The following SBF2 variants were observed in gnomAD, a reference collection of about 807,000 sequenced individuals.
The protein encoded by SBF2 is myotubularin-related protein 13.
A neutral mutation model predicts 225.2 loss-of-function variants in SBF2; 112 were observed. That is an observed-to-expected ratio of 0.50 (90% CI 0.43 to 0.58). The LOEUF (loss-of-function observed/expected upper bound fraction) is 0.58. Ranked by LOEUF, SBF2 falls within the 20% of genes least tolerant of loss-of-function variation. The pLI is 0.00. For synonymous variants in SBF2, 763 were observed against 773.3 expected (o/e 0.99, Z 0.22); for missense variants, 1,996 against 2,206.2 (o/e 0.90, Z 1.91).
chr11:10,231,875 C>T (rs143896918), intron 1 of SBF2, among the ~76,000 whole-genome samples: 16,065 of 152,254 alleles, frequency 0.11, 1,012 homozygotes, highest in Non-Finnish European at 0.11. Context: ...GTTACTGCTG[C>T]CTTTTGTTTG....
At chr11:10,137,674 C>CT (rs1444396334) in intron 2 of SBF2, among the ~76,000 whole-genome samples, 1 of 151,748 alleles carries the variant, frequency 6.6e-6, no homozygotes, top group African/African-American at 2.4e-5. Context: ...CCTTTTTTGT[C>CT]TTTGTCTGCT....
chr11:10,128,287 G>C (rs557820844), intron 2 of SBF2, among the ~76,000 whole-genome samples: 45 of 152,262 alleles, frequency 3.0e-4, no homozygotes, highest in African/African-American at 1.0e-3. Flanking sequence ...CTACCATATA[G>C]AGAGCACCTA....
chr11:10,115,803 A>C (rs138716198), intron 2 of SBF2, among the ~76,000 whole-genome samples: 20 of 152,316 alleles, frequency 1.3e-4, no homozygotes, highest in Non-Finnish European at 1.8e-4. Context: ...ATGTCAAAGG[A>C]AACTTTCTGA....
rs1590238940 is a variant in SBF2 at position 9,858,144 on chromosome 11, T to C, written c.2100+82A>G. On this transcript the variant is annotated intron_variant, in intron 18 of 39. Coordinates refer to ENST00000256190, the MANE Select transcript of SBF2 (RefSeq NM_030962.4). Reference sequence around the variant, plus strand: ...TACACTGGCAGGAAGTAGCTAGAGTTTTTTTTGCCCTGGGAACATCTGCTT... The same window carrying C: ...TACACTGGCAGGAAGTAGCTAGAGTCTTTTTTGCCCTGGGAACATCTGCTT... 22 of 1,532,470 alleles carry C rather than the reference T, an allele frequency of 1.4e-5. No homozygotes were observed. The East Asian group carries it at 4.9e-4, about 34-fold the overall frequency. The allele number at this position is 1,532,470 out of a possible 1,614,324, so 94.9% of individuals were successfully genotyped here. A position where few individuals can be genotyped will look rare whatever the true frequency, so the allele number is the denominator to read the frequency against.
chr11:10,236,354 C>A (rs1959073548), intron 1 of SBF2, among the ~76,000 whole-genome samples: 1 of 152,174 alleles, frequency 6.6e-6, no homozygotes, highest in Non-Finnish European at 1.5e-5. Context: ...CCCAGCTACT[C>A]AAGAGATTGA....
chr11:10,164,501 T>A (rs999603510), intron 2 of SBF2, among the ~76,000 whole-genome samples: 1 of 152,164 alleles, frequency 6.6e-6, no homozygotes, highest in Non-Finnish European at 1.5e-5. Context: ...ATAGAATCGA[T>A]AGTCAAAGAC....
intron 1 of SBF2, among the ~76,000 whole-genome samples, chr11:10,248,283 T>A (rs1256674520): frequency 6.6e-6 from 1 of 152,236 alleles, no homozygotes; most frequent in Non-Finnish European, 1.5e-5. Context: ...TCAAAAAGTC[T>A]AAGCATGTTG....
intron 17 of SBF2, among the ~76,000 whole-genome samples, chr11:9,890,539 A>C (rs914367421): frequency 1.3e-5 from 2 of 152,192 alleles, no homozygotes; most frequent in Non-Finnish European, 2.9e-5. Flanking sequence ...TGCCAACTAC[A>C]TGTGGAGGAT....
chr11:10,260,455 G>A (rs895233538), intron 1 of SBF2, among the ~76,000 whole-genome samples: 5 of 151,870 alleles, frequency 3.3e-5, no homozygotes, highest in South Asian at 2.1e-4. Context: ...GGTGGCTCAC[G>A]CCTGTAATCC....
chr11:10,010,570 G>A (rs916631655), intron 6 of SBF2, among the ~76,000 whole-genome samples: 1 of 152,046 alleles, frequency 6.6e-6, no homozygotes, highest in African/African-American at 2.4e-5. Flanking sequence ...TTATTTCTGA[G>A]GCCTCTGTTC....
chr11:10,237,333 C>T (rs564899728), intron 1 of SBF2, among the ~76,000 whole-genome samples: 7 of 151,926 alleles, frequency 4.6e-5, no homozygotes, highest in South Asian at 4.2e-4. Context: ...AGCAACACAG[C>T]GAGACTCTGT....
At chr11:9,830,758 AC>A (rs1455827679) in intron 27 of SBF2, among the ~76,000 whole-genome samples, 12 of 150,706 alleles carry the variant, frequency 8.0e-5, no homozygotes, top group South Asian at 6.3e-4. Flanking sequence ...AAAAAAAAAA[AC>A]AAAAACAAAA....
intron 1 of SBF2, among the ~76,000 whole-genome samples, chr11:10,253,387 G>A (rs1434038551): frequency 2.0e-5 from 3 of 152,110 alleles, no homozygotes; most frequent in Non-Finnish European, 4.4e-5. Context: ...AGAGATAGAC[G>A]TAAGAACTAT....
intron 2 of SBF2, among the ~76,000 whole-genome samples, chr11:10,072,312 T>C (rs1489297695): frequency 1.3e-5 from 2 of 152,164 alleles, no homozygotes; most frequent in African/African-American, 4.8e-5. Flanking sequence ...TATCAAGGAT[T>C]TGTATATTTT....
intron 1 of SBF2, among the ~76,000 whole-genome samples, chr11:10,273,162 G>C: frequency 6.6e-6 from 1 of 152,248 alleles, no homozygotes. Context: ...ACCGTTTTTA[G>C]TTTTTGAATT....
intron 16 of SBF2, among the ~76,000 whole-genome samples, chr11:9,896,788 CA>C (rs34465991): frequency 0.37 from 35,138 of 94,958 alleles, 4,447 homozygotes; most frequent in Admixed American, 0.43. Context: ...GACTCCGTCT[CA>C]AAAAAAAAAA....
chr11:10,227,204 G>A (rs1357942994), intron 1 of SBF2, among the ~76,000 whole-genome samples: 2 of 152,074 alleles, frequency 1.3e-5, no homozygotes, highest in Admixed American at 6.6e-5. Flanking sequence ...TGAGTTCATT[G>A]TAGATTCTGG....
rs371754973 is a variant in SBF2, at chr11:9,932,215, T to C, written c.1860+29742A>G. On this transcript the variant is annotated intron_variant, in intron 16 of 39. Coordinates refer to ENST00000256190, the MANE Select transcript of SBF2 (RefSeq NM_030962.4). ...AAGTTGGAAAACACTCTTCAGGATA[T>C]CATCCAGGAGAACTTCCCCAACCTA... Among the ~76,000 whole-genome samples the C allele has an allele frequency of 1.2e-4, 18 of 152,244 alleles. No homozygotes were observed. In the South Asian group the frequency reaches 1.7e-3, roughly 14 times the overall value.
chr11:9,894,936 T>A (rs1475193089), intron 17 of SBF2, among the ~76,000 whole-genome samples: 1 of 151,774 alleles, frequency 6.6e-6, no homozygotes, highest in African/African-American at 2.4e-5. Context: ...GAGCCGAGAT[T>A]GAGCCATTGC....
Sources: gnomAD v4.1 joint callset for allele counts (sites outside exome capture counted in the v4.1 genomes callset) on GRCh38, gnomAD v4.1.1 for gene constraint, MANE v1.5 for transcripts, NCBI Gene and HGNC (gene_info 2026-07-23, HGNC 2026-07-21) for gene names.